Variants in DISP3 observed in about 807,000 individuals in gnomAD.
DISP3 encodes the protein dispatched RND transporter family member 3, also known as protein dispatched homolog 3.
A neutral mutation model predicts 135.3 loss-of-function variants in DISP3; 101 were observed. The ratio of observed to expected loss-of-function variants is 0.75; its 90% CI spans 0.64 to 0.88. The LOEUF (loss-of-function observed/expected upper bound fraction) is 0.88, where lower values mean the gene tolerates loss of function less well. DISP3 is among the 40% of genes least tolerant of loss of function. The pLI, the probability that DISP3 is intolerant of heterozygous loss-of-function variation, is 0.00. For synonymous variants in DISP3, 856 were observed against 817.0 expected, an observed-to-expected ratio of 1.05 and a Z score of -0.81; for missense variants, 1,713 against 1,878.6, an observed-to-expected ratio of 0.91 and a Z score of 1.63.
In DISP3 at chr1:11,536,833, T is replaced by TC; in HGVS notation, c.*147_*148insC. On this transcript the variant is annotated 3_prime_UTR_variant, in exon 21 of 21. Coordinates refer to ENST00000294484, the MANE Select transcript of DISP3 (RefSeq NM_020780.2). This position sits in a 1 kb window ranked among gnomAD's most constrained non-coding sequence, Gnocchi z 4.3. Reference sequence around the variant, plus strand: ...GCGTGGAGGCTGACACCCACACAGATGGTGTGGACCATGCTGCCTTGTGGA... The same window carrying TC: ...GCGTGGAGGCTGACACCCACACAGATCGGTGTGGACCATGCTGCCTTGTGGA... 9.3e-7 allele frequency: 1 copy of TC among 1,077,108 alleles called. No individual in the cohort carries two copies. Among genetic ancestry groups the TC allele is most frequent in the Non-Finnish European group, 1.3e-6 (1 of 775,748 alleles). The allele number at this position is 1,077,108 out of a possible 1,614,324, so 66.7% of individuals were successfully genotyped here. A position where few individuals can be genotyped will look rare whatever the true frequency, so the allele number is the denominator to read the frequency against.
chr1:11,487,610 C>G (rs1641073879), intron 1 of DISP3, among the ~76,000 whole-genome samples: 1 of 152,242 alleles, frequency 6.6e-6, no homozygotes, highest in Admixed American at 6.5e-5. Context: ...CAGACCTACT[C>G]TCAGAGCATT....
chr1:11,531,759 G>T lies in DISP3; in HGVS notation c.3375+49G>T, dbSNP rs370206369. ...GTGCCATGCTGCGTACTTGCCCGGG[G>T]TGTGCCACCTCTGATCCCAGCCCTC... is the stretch of plus-strand genomic sequence containing the variant. On this transcript the variant is annotated intron_variant, in intron 17 of 20. Coordinates refer to ENST00000294484, the MANE Select transcript of DISP3 (RefSeq NM_020780.2). This position sits in a 1 kb window ranked among gnomAD's most constrained non-coding sequence, Gnocchi z 5.2. 6.5e-6 allele frequency: 10 copies of T among 1,547,696 alleles called. No individual in the cohort carries two copies. The highest frequency in any genetic ancestry group is 4.1e-5 in the African/African-American group (3 of 73,590).
rs1557617727 is a variant in DISP3, at chr1:11,525,219, C to G, written c.2520C>G (p.Gly840=). Residue 840 remains glycine, a synonymous_variant, in exon 12 of 21, where the codon GGC becomes GGG. Coordinates refer to ENST00000294484, the MANE Select transcript of DISP3 (RefSeq NM_020780.2). ...ACATCTCTAAAGTGAAGAGTCAAGGCCACCCCGCTGTCTACAGGCTCTCCC... is the reference window on the plus strand; with the variant it reads ...ACATCTCTAAAGTGAAGAGTCAAGGGCACCCCGCTGTCTACAGGCTCTCCC... ...TVYISKVKSQ[G]HPAVYRLSLN... is the part of the protein sequence containing the mutation. 1 of 1,613,968 alleles carries G rather than the reference C, an allele frequency of 6.2e-7. No homozygotes were observed. The highest frequency in any genetic ancestry group is 8.5e-7 in the Non-Finnish European group (1 of 1,179,966).
chr1:11,515,226 G>A (rs1371009108), intron 4 of DISP3, 143 bp from the exon 5 acceptor site: 13 of 1,234,362 alleles, frequency 1.1e-5, no homozygotes, highest in Non-Finnish European at 1.3e-5. Flanking sequence ...AATTGGCCCT[G>A]TGCCTGTGCT....
At position 11,535,658 on chromosome 1, in the gene DISP3, C is replaced by T. The variant is rs1188121881; in HGVS notation, c.3816+14C>T. The T allele has an allele frequency of 6.2e-7, 1 of 1,604,484 alleles. No individual in the cohort carries two copies. The highest frequency in any genetic ancestry group is 1.7e-5 in the Admixed American group (1 of 59,760). ...CACCAGGCCGAGGTGCGCACCCTGC[C>T]CGCCTTACCCACTTCCCACCACATT... On this transcript the variant is annotated intron_variant, in intron 20 of 20. Transcript: ENST00000294484.
At chr1:11,503,277 A>G (rs1489553597) in intron 3 of DISP3, among the ~76,000 whole-genome samples, 3 of 152,228 alleles carry the variant, frequency 2.0e-5, no homozygotes, top group Non-Finnish European at 4.4e-5. Flanking sequence ...AGTAGGATAG[A>G]TAGAGAGAGG....
intron 13 of DISP3, among the ~76,000 whole-genome samples, chr1:11,528,282 C>T (rs917011704): frequency 2.0e-5 from 3 of 152,162 alleles, no homozygotes; most frequent in South Asian, 2.1e-4. Context: ...TACTACATGC[C>T]GAGTCAGAGG....
chr1:11,520,570 C>T lies in DISP3; in HGVS notation c.2201-117C>T, dbSNP rs1642155442. 1 of 1,217,596 alleles carries T rather than the reference C, an allele frequency of 8.2e-7. No individual in the cohort carries two copies. The highest frequency in any genetic ancestry group is 1.2e-6 in the Non-Finnish European group (1 of 868,718). The allele number at this position is 1,217,596 out of a possible 1,614,324, so 75.4% of individuals were successfully genotyped here. On this transcript the variant is annotated intron_variant, in intron 9 of 20. Transcript: ENST00000294484. The surrounding 1 kb of genome is among the most constrained non-coding windows in gnomAD (Gnocchi z 4.8). ...CTGGCATGCAGGGCCTTCCCCCGCA[C>T]CCTTAGGACACCCGCCCCCCAACAA...
intron 1 of DISP3, among the ~76,000 whole-genome samples, chr1:11,488,523 G>A (rs552819375): frequency 6.6e-6 from 1 of 152,212 alleles, no homozygotes; most frequent in African/African-American, 2.4e-5. Flanking sequence ...GGCACCCGTG[G>A]TGGGGAACTT....
Position 11,501,671 on chromosome 1 carries a change from A to C in DISP3, c.679A>C (p.Ser227Arg). ...TGAAGACCCGCGAAACCAGCGGCTGAGCAAGAATGGGCGGTACCAGCCCAG... is the reference window on the plus strand; with the variant it reads ...TGAAGACCCGCGAAACCAGCGGCTGCGCAAGAATGGGCGGTACCAGCCCAG... ...QSEDPRNQRL[S>R]KNGRYQPSIP... The change falls in exon 2 of 21, where the codon AGC becomes CGC. Residue 227 changes from serine to arginine, a missense_variant. Ser to Arg is a moderately radical substitution (Grantham distance 110). Around this residue, in one of 2 missense-constraint regions of DISP3, gnomAD observed 571 missense variants for 494.1 expected, o/e 1.16. Coordinates refer to ENST00000294484, the MANE Select transcript of DISP3 (RefSeq NM_020780.2). This position sits in a 1 kb window ranked among gnomAD's most constrained non-coding sequence, Gnocchi z 4.9. 1 of 1,607,668 alleles carries C rather than the reference A, an allele frequency of 6.2e-7. No homozygotes were observed. Among genetic ancestry groups the C allele is most frequent in the Non-Finnish European group, 8.5e-7 (1 of 1,177,822 alleles).
At position 11,479,159 on chromosome 1, in the gene DISP3, T is replaced by C. The variant is rs1275736362; in HGVS notation, c.-217T>C. ...CGGCGGCGGAGCGGAGTGCTCGGGTTGCGAGCTGAGGACTGGGATTCGCGC... is the reference window on the plus strand; with the variant it reads ...CGGCGGCGGAGCGGAGTGCTCGGGTCGCGAGCTGAGGACTGGGATTCGCGC... On this transcript the variant is annotated 5_prime_UTR_variant, in exon 1 of 21. Transcript: ENST00000294484. 6.4e-6 allele frequency: 1 copy of C among 155,350 alleles called. No individual in the cohort carries two copies. The highest frequency in any genetic ancestry group is 2.4e-5 in the African/African-American group (1 of 41,438). The allele number at this position is 155,350 out of a possible 1,614,324, so 9.6% of individuals were successfully genotyped here.
intron 10 of DISP3, among the ~76,000 whole-genome samples, chr1:11,522,860 A>ACCCAGCCAGAG (rs1211612036): frequency 0.52 from 25,103 of 48,646 alleles, 4,884 homozygotes; most frequent in Admixed American, 0.54. Flanking sequence ...CCCAGCCAGG[A>ACCCAGCCAGAG]CCCAGCCAGA....
At chr1:11,510,153 G>T (rs1277799652) in intron 3 of DISP3, among the ~76,000 whole-genome samples, 1 of 152,070 alleles carries the variant, frequency 6.6e-6, no homozygotes, top group Non-Finnish European at 1.5e-5. Context: ...CCTTTTACTT[G>T]GGGTCTTTAA....
At position 11,536,863 on chromosome 1, in the gene DISP3, G is replaced by C; in HGVS notation, c.*177G>C. On this transcript the variant is annotated 3_prime_UTR_variant, in exon 21 of 21. Coordinates refer to ENST00000294484, the MANE Select transcript of DISP3 (RefSeq NM_020780.2). This position sits in a 1 kb window ranked among gnomAD's most constrained non-coding sequence, Gnocchi z 4.3. The stretch of plus-strand genomic sequence containing the variant: ...TGGACCATGCTGCCTTGTGGAGCTG[G>C]GAGTTGGAGACAGCCGCCACCCCAC... The C allele has an allele frequency of 1.1e-6, 1 of 926,356 alleles. No homozygotes were observed. Among genetic ancestry groups the C allele is most frequent in the Non-Finnish European group, 1.5e-6 (1 of 648,594 alleles). The allele number at this position is 926,356 out of a possible 1,614,324, so 57.4% of individuals were successfully genotyped here.
rs1570155801 is a variant in DISP3 at position 11,535,646 on chromosome 1, T to G, written c.3816+2T>G. ...AACCTGCCCCCCCACCAGGCCGAGG[T>G]GCGCACCCTGCCCGCCTTACCCACT... On this transcript the variant is annotated splice_donor_variant, in intron 20 of 20. Transcript: ENST00000294484. LOFTEE classifies it high-confidence loss of function. 4 of 1,609,570 alleles carry G rather than the reference T, an allele frequency of 2.5e-6. No individual in the cohort carries two copies. The highest frequency in any genetic ancestry group is 3.4e-6 in the Non-Finnish European group (4 of 1,178,920).
rs201156740 is a variant in DISP3, at chr1:11,514,465, C to G, written c.1392C>G (p.Leu464=). ...EVRRTFNNDM[L]LAFISSSCIA... is the part of the protein sequence containing the mutation. The stretch of plus-strand genomic sequence containing the variant: ...GCAGGACGTTCAACAATGACATGCT[C>G]CTGGCCTTCATCAGCAGCAGCTGCA... Residue 464 remains leucine, a synonymous_variant, in exon 4 of 21, where the codon CTC becomes CTG. Coordinates refer to ENST00000294484, the MANE Select transcript of DISP3 (RefSeq NM_020780.2). 1.9e-6 allele frequency: 3 copies of G among 1,613,936 alleles called. No homozygotes were observed. The highest frequency in any genetic ancestry group is 2.5e-6 in the Non-Finnish European group (3 of 1,179,882).
chr1:11,495,102 G>T (rs1641294415), intron 1 of DISP3, among the ~76,000 whole-genome samples: 1 of 152,162 alleles, frequency 6.6e-6, no homozygotes, highest in Non-Finnish European at 1.5e-5. Context: ...CTTCAAAAAT[G>T]GCTCTCCCAA....
rs767383875 is a variant in DISP3, at chr1:11,515,404, C to G, written c.1489C>G (p.Leu497Val). Reference protein sequence around the residue: ...LSFFGIASIGLSCLVALFLYH... With the variant: ...LSFFGIASIGVSCLVALFLYH... ...CTTCTTTGGGATTGCCAGCATTGGT[C>G]TCAGCTGCCTGGTGGCCCTCTTCCT... The change falls in exon 5 of 21, where the codon CTC becomes GTC. Residue 497 changes from leucine to valine, a missense_variant. Leu to Val is a conservative substitution (Grantham distance 32). Coordinates refer to ENST00000294484, the MANE Select transcript of DISP3 (RefSeq NM_020780.2). The G allele has an allele frequency of 1.2e-6, 2 of 1,614,236 alleles. No homozygotes were observed. The highest frequency in any genetic ancestry group is 2.2e-5 in the East Asian group (1 of 44,894).
At chr1:11,490,066 C>T (rs1271378409) in intron 1 of DISP3, among the ~76,000 whole-genome samples, 2 of 151,952 alleles carry the variant, frequency 1.3e-5, no homozygotes, top group African/African-American at 2.4e-5. Flanking sequence ...CTGTACTTGG[C>T]AGCTGTGATC....
Sources: allele counts gnomAD v4.1 joint callset (sites outside exome capture counted in the v4.1 genomes callset), GRCh38; gene constraint gnomAD v4.1.1; regional missense constraint gnomAD v4.1.1; non-coding constraint Gnocchi (gnomAD v3.1); transcripts MANE v1.5; gene names NCBI Gene and HGNC (gene_info 2026-07-23, HGNC 2026-07-21).